The following MAGEC3 variants were observed in gnomAD, a reference collection of about 807,000 sequenced individuals.
The protein encoded by MAGEC3 is melanoma-associated antigen C3.
MAGEC3 carries 34 observed loss-of-function variants against 35.3 expected under a neutral mutation model. The observed-to-expected ratio is 0.96, with a 90% CI of 0.73 to 1.28. The LOEUF is 1.28. MAGEC3 is among the 50% of genes most tolerant of loss of function. The probability of loss-of-function intolerance (pLI) is 0.00; values close to 1 mark genes in which losing one functional copy is unlikely to be tolerated. For missense variants in MAGEC3, 561 were observed against 483.6 expected (o/e 1.16, Z -1.50); for synonymous variants, 202 against 185.6 (o/e 1.09, Z -0.72).
rs1569474512 is a variant in MAGEC3, at chrX:141,879,450, A to G, written c.515+19A>G. The G allele has an allele frequency of 8.6e-7, 1 of 1,158,546 alleles. No homozygotes were observed. Among genetic ancestry groups the G allele is most frequent in the African/African-American group, 1.8e-5 (1 of 55,823 alleles). ...CGGGGAGGTGGGCAGGGAAATATGG[A>G]CGAGGGCTTTGAAGTGAGGAGGAAA... On this transcript the variant is annotated intron_variant, in intron 3 of 7. Coordinates refer to ENST00000298296, the MANE Select transcript of MAGEC3 (RefSeq NM_138702.1).
At position 141,865,475 on chromosome X, in the gene MAGEC3, G is replaced by T. The variant is rs759399130; in HGVS notation, c.128G>T (p.Arg43Leu). 5.0e-6 allele frequency: 6 copies of T among 1,207,320 alleles called. No homozygotes were observed. In the South Asian group the frequency reaches 1.1e-4, roughly 22 times the overall value. ...PVVLPPQPQPRKKATDKDYSA... is the reference protein window; with the variant it reads ...PVVLPPQPQPLKKATDKDYSA... The stretch of plus-strand genomic sequence containing the variant: ...CCTGATATTTGACCTGAGTAGCCCC[G>T]GAAAAAGGCCACAGATAAGGACTAT... The change falls in exon 2 of 8, where the codon CGG becomes CTG. Residue 43 changes from arginine (R) to leucine (L), a missense_variant. Arg to Leu is a moderately radical substitution (Grantham distance 102). Coordinates refer to ENST00000298296, the MANE Select transcript of MAGEC3 (RefSeq NM_138702.1).
chrX:141,843,400 A>G (rs1367153841), intron 1 of MAGEC3, among the ~76,000 whole-genome samples: 2 of 111,235 alleles, frequency 1.8e-5, no homozygotes, highest in Non-Finnish European at 3.8e-5. Flanking sequence ...TAGACAACCC[A>G]TATACTCCCT....
intron 1 of MAGEC3, among the ~76,000 whole-genome samples, chrX:141,842,016 A>C (rs2124078775): frequency 9.0e-6 from 1 of 111,708 alleles, no homozygotes; most frequent in South Asian, 3.7e-4. Flanking sequence ...CTAGTGTGAT[A>C]ATTAGGTATT....
chrX:141,872,240 T>C (rs1478096826), intron 2 of MAGEC3, among the ~76,000 whole-genome samples: 7 of 111,325 alleles, frequency 6.3e-5, no homozygotes, highest in Non-Finnish European at 1.3e-4. Flanking sequence ...CTAATCTGTA[T>C]TGGGGCCAAG....
chrX:141,882,744 A>G (rs2017975793), intron 4 of MAGEC3, among the ~76,000 whole-genome samples: 1 of 112,227 alleles, frequency 8.9e-6, no homozygotes, highest in Non-Finnish European at 1.9e-5. Context: ...GTGGGGATAC[A>G]GTGAAAAGCA....
In MAGEC3 at chrX:141,895,060, G is replaced by A. The variant is rs749828020; in HGVS notation, c.910-209G>A. On this transcript the variant is annotated intron_variant, in intron 4 of 7. Coordinates refer to ENST00000298296, the MANE Select transcript of MAGEC3 (RefSeq NM_138702.1). ...TGAACAGGAAAGGGTGGGAAGGGGC[G>A]GGGAGGTGGGCATTAAGGAGAGGAA... Among the ~76,000 whole-genome samples, 785 of 86,414 alleles carry A rather than the reference G, an allele frequency of 9.1e-3. 9 individuals carry two copies. The highest frequency in any genetic ancestry group is 0.013 in the Non-Finnish European group (599 of 44,525). The allele number at this position is 86,414 out of a possible 115,157, so 75.0% of individuals were successfully genotyped here.
chrX:141,892,514 T>A (rs1001275834), intron 4 of MAGEC3, among the ~76,000 whole-genome samples: 1 of 111,589 alleles, frequency 9.0e-6, no homozygotes, highest in Non-Finnish European at 1.9e-5. Context: ...TGTTACTGAC[T>A]TTTTTCCTAA....
chrX:141,890,697 CA>C lies in MAGEC3; in HGVS notation c.910-4567del, dbSNP rs2018035335. On this transcript the variant is annotated intron_variant, in intron 4 of 7. Coordinates refer to ENST00000298296, the MANE Select transcript of MAGEC3 (RefSeq NM_138702.1). ...ATGTTGGCATTCCCAGAAACAATTCCAAAAATGAGGAGACTTACTATCATAA... is the reference window on the plus strand; with the variant it reads ...ATGTTGGCATTCCCAGAAACAATTCCAAAATGAGGAGACTTACTATCATAA... 2.7e-5 allele frequency among the ~76,000 whole-genome samples: 3 copies of C among 111,966 alleles called. No homozygotes were observed. The South Asian group carries it at 1.1e-3, about 42-fold the overall frequency.
At chrX:141,852,957 T>C (rs1226797009) in intron 1 of MAGEC3, among the ~76,000 whole-genome samples, 4 of 111,707 alleles carry the variant, frequency 3.6e-5, no homozygotes, top group African/African-American at 1.3e-4. Context: ...GTTTCTACTT[T>C]ACAAACTATT....
At chrX:141,878,176 A>G (rs968059129) in intron 2 of MAGEC3, among the ~76,000 whole-genome samples, 1 of 109,870 alleles carries the variant, frequency 9.1e-6, no homozygotes, top group African/African-American at 3.4e-5. Context: ...ACTGGGATTT[A>G]TGTGATTTTT....
chrX:141,886,543 G>C (rs1325957944), intron 4 of MAGEC3, among the ~76,000 whole-genome samples: 1 of 111,329 alleles, frequency 9.0e-6, no homozygotes, highest in Non-Finnish European at 1.9e-5. Flanking sequence ...ATTGATTCCA[G>C]GGGACCCAAA....
chrX:141,869,255 T>A (rs981371938), intron 2 of MAGEC3, among the ~76,000 whole-genome samples: 4 of 111,766 alleles, frequency 3.6e-5, no homozygotes, highest in East Asian at 2.8e-4. Flanking sequence ...GTTTTTTTTT[T>A]AATTGTGTTC....
Position 141,838,405 on chromosome X carries a change from C to T in MAGEC3, c.90C>T (p.Ala30=). 8.3e-7 allele frequency: 1 copy of T among 1,210,901 alleles called. No homozygotes were observed. Among genetic ancestry groups the T allele is most frequent in the Non-Finnish European group, 1.1e-6 (1 of 894,837 alleles). ...QWVKNTCATY[A]LSPVVLPPQP... is the part of the protein sequence containing the mutation. ...TGAAAAACACATGTGCCACATATGC[C>T]TTATCCCCAGTGGTGCTCCCACCTC... Residue 30 remains alanine, a synonymous_variant, in exon 1 of 8, where the codon GCC becomes GCT. Coordinates refer to ENST00000298296, the MANE Select transcript of MAGEC3 (RefSeq NM_138702.1).
At chrX:141,857,452 G>A (rs1396890840) in intron 1 of MAGEC3, among the ~76,000 whole-genome samples, 1 of 111,195 alleles carries the variant, frequency 9.0e-6, no homozygotes, top group Non-Finnish European at 1.9e-5. Context: ...ACCCTGTCAT[G>A]TTTGGAATAT....
chrX:141,855,222 GT>G (rs1346029430), intron 1 of MAGEC3, among the ~76,000 whole-genome samples: 2 of 105,495 alleles, frequency 1.9e-5, no homozygotes, highest in East Asian at 6.0e-4. Flanking sequence ...GAAGATAGTT[GT>G]TTTTTTTTTC....
intron 1 of MAGEC3, among the ~76,000 whole-genome samples, chrX:141,859,205 G>A (rs973573650): frequency 1.8e-5 from 2 of 110,001 alleles, no homozygotes; most frequent in African/African-American, 6.6e-5. Flanking sequence ...ATTAATAAGT[G>A]TTATCAGATA....
At chrX:141,850,104 A>C (rs751068636) in intron 1 of MAGEC3, among the ~76,000 whole-genome samples, 2 of 111,478 alleles carry the variant, frequency 1.8e-5, no homozygotes, top group South Asian at 7.5e-4. Flanking sequence ...CCATTATGCT[A>C]AGCGAGTTAA....
At chrX:141,842,197 C>T (rs767689796) in intron 1 of MAGEC3, among the ~76,000 whole-genome samples, 12 of 110,957 alleles carry the variant, frequency 1.1e-4, no homozygotes, top group Admixed American at 4.8e-4. Context: ...TAACAAGGCA[C>T]GACACAACAT....
chrX:141,839,774 A>G (rs2017675330), intron 1 of MAGEC3: 1 of 707,501 alleles, frequency 1.4e-6, no homozygotes, highest in Non-Finnish European at 1.7e-6. Context: ...CTTAACTGGA[A>G]GAGATTTTGC....
Sources: allele counts gnomAD v4.1 joint callset (sites outside exome capture counted in the v4.1 genomes callset), GRCh38; gene constraint gnomAD v4.1.1; transcripts MANE v1.5; gene names NCBI Gene and HGNC (gene_info 2026-07-23, HGNC 2026-07-21).